The following RPL37 variants were observed in gnomAD, a reference collection of about 807,000 sequenced individuals.
RPL37 encodes the protein large ribosomal subunit protein eL37.
RPL37 carries 1 observed loss-of-function variant against 14.8 expected under a neutral mutation model. That is an observed-to-expected ratio of 0.07 (90% CI 0.02 to 0.32). The LOEUF is 0.32. Among genes scored for constraint, RPL37 ranks in the 10% least tolerant of loss-of-function variants. The pLI, the probability that RPL37 is intolerant of heterozygous loss-of-function variation, is 1.00. For synonymous variants in RPL37, 53 were observed against 45.8 expected, an observed-to-expected ratio of 1.16 and a Z score of -0.63; for missense variants, 100 against 128.3, an observed-to-expected ratio of 0.78 and a Z score of 1.06.
In RPL37 at chr5:40,833,957, T is replaced by C. The variant is rs559548980; in HGVS notation, c.224+224A>G. 810 of 532,110 alleles carry C rather than the reference T, an allele frequency of 1.5e-3. 14 individuals are homozygous for C. The South Asian group carries it at 0.017, about 11-fold the overall frequency. The allele number at this position is 532,110 out of a possible 1,614,324, so 33.0% of individuals were successfully genotyped here. On this transcript the variant is annotated intron_variant, in intron 3 of 3. Transcript: ENST00000274242. The stretch of plus-strand genomic sequence containing the variant: ...GGGTACTCGGGCGGCTGAGATGAGA[T>C]TACCTGAGGCTGGGGAGACTGAGGC...
In RPL37 at chr5:40,830,707, G is replaced by C. The variant is rs1745623363; in HGVS notation, c.*1797C>G. On this transcript the variant is annotated 3_prime_UTR_variant, in exon 4 of 4. Transcript: ENST00000274242. ...AGTTGGGGTCTCACCATGTGGGCCAGGGTGATCTCGATCTCTTGACCTTGT... is the reference window on the plus strand; with the variant it reads ...AGTTGGGGTCTCACCATGTGGGCCACGGTGATCTCGATCTCTTGACCTTGT... 1 of 151,714 alleles carries C rather than the reference G, an allele frequency of 6.6e-6. No individual in the cohort carries two copies. Among genetic ancestry groups the C allele is most frequent in the Admixed American group, 6.6e-5 (1 of 15,226 alleles). 9.4% of individuals were successfully genotyped at this position (151,714 alleles called of 1,614,324 possible).
At chr5:40,835,030 C>CA in intron 1 of RPL37, 153 bp downstream of exon 1, 1 of 985,930 alleles carries the variant, frequency 1.0e-6, no homozygotes, top group Non-Finnish European at 1.5e-6. Context: ...AGTTAGCAGT[C>CA]ATTCTTCTGG....
rs1040746397 is a variant in RPL37 at position 40,826,556 on chromosome 5, A to T, written c.*5948T>A. ...AAACCCAGTGAAAGGAACTTCAAGG[A>T]AGCCCTTCAGAGAGCTTTGAAATGT... is the stretch of plus-strand genomic sequence containing the variant. On this transcript the variant is annotated 3_prime_UTR_variant, in exon 4 of 4. Coordinates refer to ENST00000274242, the MANE Select transcript of RPL37 (RefSeq NM_000997.5). 6 of 152,214 alleles carry T rather than the reference A, an allele frequency of 3.9e-5. No homozygotes were observed. The highest frequency in any genetic ancestry group is 7.3e-5 in the Non-Finnish European group (5 of 68,044). The allele number at this position is 152,214 out of a possible 1,614,324, so 9.4% of individuals were successfully genotyped here.
At position 40,832,588 on chromosome 5, in the gene RPL37, AAACAAG is replaced by A. The variant is rs753828568; in HGVS notation, c.225-21_225-16del. The A allele has an allele frequency of 6.2e-7, 1 of 1,610,158 alleles. No homozygotes were observed. Among genetic ancestry groups the A allele is most frequent in the East Asian group, 2.2e-5 (1 of 44,838 alleles). On this transcript the variant is annotated splice_polypyrimidine_tract_variant and intron_variant, in intron 3 of 3. Coordinates refer to ENST00000274242, the MANE Select transcript of RPL37 (RefSeq NM_000997.5). ...GGAATCCATGCCTGCAGGATGTCAA[AAACAAG>A]AACAAGTTACTTCAGCAACATCGAT...
Position 40,829,925 on chromosome 5 carries a change from T to G in RPL37, c.*2579A>C, listed in dbSNP as rs895297196. Reference sequence around the variant, plus strand: ...CCCCACCTCACGTGAACTGCCCACCTTGGCCTCCCAAAGTGCTGCGACTAT... The same window carrying G: ...CCCCACCTCACGTGAACTGCCCACCGTGGCCTCCCAAAGTGCTGCGACTAT... On this transcript the variant is annotated 3_prime_UTR_variant, in exon 4 of 4. Coordinates refer to ENST00000274242, the MANE Select transcript of RPL37 (RefSeq NM_000997.5). 6.6e-6 allele frequency: 1 copy of G among 152,160 alleles called. No homozygotes were observed. The highest frequency in any genetic ancestry group is 6.5e-5 in the Admixed American group (1 of 15,278). 9.4% of individuals were successfully genotyped at this position (152,160 alleles called of 1,614,324 possible). A position where few individuals can be genotyped will look rare whatever the true frequency, so the allele number is the denominator to read the frequency against.
intron 2 of RPL37, 81 bp downstream of exon 2, chr5:40,834,390 A>G (rs146818602): frequency 6.3e-7 from 1 of 1,583,344 alleles, no homozygotes; most frequent in Admixed American, 1.8e-5. Flanking sequence ...GATAGGCACC[A>G]AATAAAGTTC....
At position 40,833,204 on chromosome 5, in the gene RPL37, G is replaced by C. The variant is rs78264092; in HGVS notation, c.225-631C>G. 3.4e-4 allele frequency among the ~76,000 whole-genome samples: 51 copies of C among 152,166 alleles called. 1 individual carries two copies. Among genetic ancestry groups the C allele is most frequent in the African/African-American group, 1.2e-3 (51 of 41,440 alleles). On this transcript the variant is annotated intron_variant, in intron 3 of 3. Coordinates refer to ENST00000274242, the MANE Select transcript of RPL37 (RefSeq NM_000997.5). Reference sequence around the variant, plus strand: ...CACCTATGGGTGTCTACAAAGCCCTGAACTGTCTTGCTATCTTTAAAACTG... The same window carrying C: ...CACCTATGGGTGTCTACAAAGCCCTCAACTGTCTTGCTATCTTTAAAACTG...
In RPL37 at chr5:40,832,346, T is replaced by C. The variant is rs972325964; in HGVS notation, c.*158A>G. 4 of 709,022 alleles carry C rather than the reference T, an allele frequency of 5.6e-6. No individual in the cohort carries two copies. Among genetic ancestry groups the C allele is most frequent in the Non-Finnish European group, 1.0e-5 (4 of 388,140 alleles). 43.9% of individuals were successfully genotyped at this position (709,022 alleles called of 1,614,324 possible). On this transcript the variant is annotated 3_prime_UTR_variant, in exon 4 of 4. Transcript: ENST00000274242. Reference sequence around the variant, plus strand: ...TCCAAAAGTAAACATTCCAAAACAGTCACTTAACAAGTAAATCTGATATGA... The same window carrying C: ...TCCAAAAGTAAACATTCCAAAACAGCCACTTAACAAGTAAATCTGATATGA...
rs573350906 is a variant in RPL37 at position 40,826,938 on chromosome 5, T to G, written c.*5566A>C. On this transcript the variant is annotated 3_prime_UTR_variant, in exon 4 of 4. Transcript: ENST00000274242. ...GACTACAGGCACATACCACCATGCC[T>G]GGCTAATTTTTTGTATTTTTAATGG... The G allele has an allele frequency of 3.2e-4, 48 of 152,314 alleles. No homozygotes were observed. Among genetic ancestry groups the G allele is most frequent in the African/African-American group, 1.1e-3 (46 of 41,548 alleles). 9.4% of individuals were successfully genotyped at this position (152,314 alleles called of 1,614,324 possible).
rs751075299 is a variant in RPL37 at position 40,834,589 on chromosome 5, C to A, written c.21G>T (p.Ser7=). The A allele has an allele frequency of 1.2e-6, 2 of 1,613,426 alleles. No homozygotes were observed. The highest frequency in any genetic ancestry group is 1.7e-6 in the Non-Finnish European group (2 of 1,179,816). ...GCGTCTTATTGCGACGCTTTCCAAA[C>A]GATGACGTTCCCTTCGTCTGCACAT... The part of the protein sequence containing the change: MTKGTS[S]FGKRRNKTHT... The change falls in exon 2 of 4, where the codon TCG becomes TCT. Residue 7 remains serine (S), a synonymous_variant. Coordinates refer to ENST00000274242, the MANE Select transcript of RPL37 (RefSeq NM_000997.5).
Position 40,832,354 on chromosome 5 carries a change from C to G in RPL37, c.*150G>C. ...TAAACATTCCAAAACAGTCACTTAACAAGTAAATCTGATATGAAGCTAGCC... is the reference window on the plus strand; with the variant it reads ...TAAACATTCCAAAACAGTCACTTAAGAAGTAAATCTGATATGAAGCTAGCC... On this transcript the variant is annotated 3_prime_UTR_variant, in exon 4 of 4. Transcript: ENST00000274242. The G allele has an allele frequency of 1.4e-6, 1 of 732,922 alleles. No homozygotes were observed. The highest frequency in any genetic ancestry group is 1.5e-5 in the South Asian group (1 of 65,980). 45.4% of individuals were successfully genotyped at this position (732,922 alleles called of 1,614,324 possible). A position where few individuals can be genotyped will look rare whatever the true frequency, so the allele number is the denominator to read the frequency against.
Position 40,832,420 on chromosome 5 carries a change from TAATTG to T in RPL37, c.*79_*83del. 1 of 1,147,282 alleles carries T rather than the reference TAATTG, an allele frequency of 8.7e-7. No homozygotes were observed. The highest frequency in any genetic ancestry group is 1.3e-6 in the Non-Finnish European group (1 of 756,710). The allele number at this position is 1,147,282 out of a possible 1,614,324, so 71.1% of individuals were successfully genotyped here. A position where few individuals can be genotyped will look rare whatever the true frequency, so the allele number is the denominator to read the frequency against. Reference sequence around the variant, plus strand: ...CAGTATTTCACTGATACTACAAGCCTAATTGATTAAAAATACCTTACCAAAACCAG... The same window carrying T: ...CAGTATTTCACTGATACTACAAGCCTATTAAAAATACCTTACCAAAACCAG... On this transcript the variant is annotated 3_prime_UTR_variant, in exon 4 of 4. Transcript: ENST00000274242.
In RPL37 at chr5:40,832,385, C is replaced by G. The variant is rs1466363546; in HGVS notation, c.*119G>C. 1 of 876,352 alleles carries G rather than the reference C, an allele frequency of 1.1e-6. No individual in the cohort carries two copies. 54.3% of individuals were successfully genotyped at this position (876,352 alleles called of 1,614,324 possible). On this transcript the variant is annotated 3_prime_UTR_variant, in exon 4 of 4. Coordinates refer to ENST00000274242, the MANE Select transcript of RPL37 (RefSeq NM_000997.5). ...AATCTGATATGAAGCTAGCCCAGTCCCTAAACCTACAGTATTTCACTGATA... is the reference window on the plus strand; with the variant it reads ...AATCTGATATGAAGCTAGCCCAGTCGCTAAACCTACAGTATTTCACTGATA...
At position 40,829,757 on chromosome 5, in the gene RPL37, C is replaced by T. The variant is rs1465041562; in HGVS notation, c.*2747G>A. ...AGGCCTCTGCAGCTCACCGCAACCT[C>T]CGTCTCCCAGGTTCAAGCAATTCTC... On this transcript the variant is annotated 3_prime_UTR_variant, in exon 4 of 4. Coordinates refer to ENST00000274242, the MANE Select transcript of RPL37 (RefSeq NM_000997.5). 2 of 152,040 alleles carry T rather than the reference C, an allele frequency of 1.3e-5. No homozygotes were observed. Among genetic ancestry groups the T allele is most frequent in the African/African-American group, 4.8e-5 (2 of 41,356 alleles). The allele number at this position is 152,040 out of a possible 1,614,324, so 9.4% of individuals were successfully genotyped here. A position where few individuals can be genotyped will look rare whatever the true frequency, so the allele number is the denominator to read the frequency against.
Position 40,831,428 on chromosome 5 carries a change from G to C in RPL37, c.*1076C>G, listed in dbSNP as rs1579791561. 6.6e-6 allele frequency: 1 copy of C among 152,314 alleles called. No individual in the cohort carries two copies. The highest frequency in any genetic ancestry group is 2.1e-4 in the South Asian group (1 of 4,828). The allele number at this position is 152,314 out of a possible 1,614,324, so 9.4% of individuals were successfully genotyped here. On this transcript the variant is annotated 3_prime_UTR_variant, in exon 4 of 4. Coordinates refer to ENST00000274242, the MANE Select transcript of RPL37 (RefSeq NM_000997.5). ...TAAATTAGGAGTTAAAATACAAGAT[G>C]AGAGTAGCAATTAGCTAGCACATTA...
intron 1 of RPL37, chr5:40,834,915 C>T (rs2112159367): frequency 3.3e-6 from 2 of 613,726 alleles, no homozygotes; most frequent in Non-Finnish European, 2.9e-6. Context: ...CCTCGGCTCC[C>T]AACCAAGGCT....
rs1745497299 is a variant in RPL37 at position 40,825,582 on chromosome 5, G to A, written c.*6922C>T. ...GTAGGTTGCTTCCCTGTGACGCAGG[G>A]ACCATAGTTTCTGCTCTAATAACAC... On this transcript the variant is annotated 3_prime_UTR_variant, in exon 4 of 4. Transcript: ENST00000274242. 1 of 152,262 alleles carries A rather than the reference G, an allele frequency of 6.6e-6. No homozygotes were observed. The highest frequency in any genetic ancestry group is 1.5e-5 in the Non-Finnish European group (1 of 68,114). The allele number at this position is 152,262 out of a possible 1,614,324, so 9.4% of individuals were successfully genotyped here. A position where few individuals can be genotyped will look rare whatever the true frequency, so the allele number is the denominator to read the frequency against.
rs778151622 is a variant in RPL37, at chr5:40,834,207, G to A, written c.198C>T (p.His66=). The change falls in exon 3 of 4, where the codon CAC becomes CAT. Residue 66 remains histidine, a synonymous_variant. Coordinates refer to ENST00000274242, the MANE Select transcript of RPL37 (RefSeq NM_000997.5). ...RNTTGTGRMR[H]LKIVYRRFRH... is the part of the protein sequence containing the mutation. ...TGAATCTGCGGTATACAATTTTTAG[G>A]TGCCTCATTCGACCAGTTCCGGTGG... 8.1e-6 allele frequency: 13 copies of A among 1,613,814 alleles called. No homozygotes were observed. Among genetic ancestry groups the A allele is most frequent in the Non-Finnish European group, 1.1e-5 (13 of 1,179,868 alleles).
rs555163155 is a variant in RPL37, at chr5:40,826,928, C to G, written c.*5576G>C. 6.6e-6 allele frequency: 1 copy of G among 152,252 alleles called. No individual in the cohort carries two copies. The allele number at this position is 152,252 out of a possible 1,614,324, so 9.4% of individuals were successfully genotyped here. A position where few individuals can be genotyped will look rare whatever the true frequency, so the allele number is the denominator to read the frequency against. ...GAGTAGCTGGGACTACAGGCACATA[C>G]CACCATGCCTGGCTAATTTTTTGTA... On this transcript the variant is annotated 3_prime_UTR_variant, in exon 4 of 4. Coordinates refer to ENST00000274242, the MANE Select transcript of RPL37 (RefSeq NM_000997.5).
Sources: allele counts gnomAD v4.1 joint callset (sites outside exome capture counted in the v4.1 genomes callset), GRCh38; gene constraint gnomAD v4.1.1; transcripts MANE v1.5; gene names NCBI Gene and HGNC (gene_info 2026-07-23, HGNC 2026-07-21).